Variants in CACNB2 observed in about 807,000 individuals in gnomAD.
The protein encoded by CACNB2 is calcium voltage-gated channel auxiliary subunit beta 2, also known as voltage-dependent L-type calcium channel subunit beta-2.
In CACNB2, 42 loss-of-function variants were observed where a neutral mutation model predicts 73.3. That is an observed-to-expected ratio of 0.57 (90% CI 0.45 to 0.74). The LOEUF is 0.74. Ranked by LOEUF, CACNB2 falls within the 30% of genes least tolerant of loss-of-function variation. CACNB2 has a pLI of 0.00. For synonymous variants in CACNB2, 348 were observed against 310.3 expected, an observed-to-expected ratio of 1.12 and a Z score of -1.28; for missense variants, 940 against 853.0, an observed-to-expected ratio of 1.10 and a Z score of -1.27.
rs115582953 is a variant in CACNB2 at position 18,186,678 on chromosome 10, C to T, written c.213+35703C>T. On this transcript the variant is annotated intron_variant, in intron 2 of 13. Coordinates refer to ENST00000324631, the MANE Select transcript of CACNB2 (RefSeq NM_201596.3). ...TTAAAGACCAGATTTCATGAGAACT[C>T]ACTCAGGATCATGAGGACAATACCA... 5.1e-3 allele frequency among the ~76,000 whole-genome samples: 781 copies of T among 152,188 alleles called. 6 individuals carry two copies. Among genetic ancestry groups the T allele is most frequent in the African/African-American group, 0.018 (732 of 41,502 alleles).
At chr10:18,306,304 T>A (rs1026069278) in intron 2 of CACNB2, among the ~76,000 whole-genome samples, 1 of 152,138 alleles carries the variant, frequency 6.6e-6, no homozygotes, top group Non-Finnish European at 1.5e-5. Context: ...TAGGTATATT[T>A]GTAGACACAG....
chr10:18,379,315 C>A (rs768397727), intron 2 of CACNB2, among the ~76,000 whole-genome samples: 7 of 152,110 alleles, frequency 4.6e-5, no homozygotes, highest in African/African-American at 1.7e-4. Context: ...CAGGTTCAAG[C>A]GATTCTCGTG....
chr10:18,431,425 G>C (rs2045884880), intron 3 of CACNB2, among the ~76,000 whole-genome samples: 2 of 151,934 alleles, frequency 1.3e-5, no homozygotes, highest in African/African-American at 4.8e-5. Flanking sequence ...TTATAAATAT[G>C]TAAAAATCTA....
intron 2 of CACNB2, among the ~76,000 whole-genome samples, chr10:18,248,803 A>G (rs951799384): frequency 2.0e-5 from 3 of 152,152 alleles, no homozygotes; most frequent in Non-Finnish European, 4.4e-5. Context: ...TGATGGAGAC[A>G]GACTTTCTCA....
chr10:18,500,208 G>A (rs557506044), intron 4 of CACNB2, among the ~76,000 whole-genome samples: 15 of 152,268 alleles, frequency 9.9e-5, no homozygotes, highest in South Asian at 4.1e-4. Context: ...CTTCTTCGAC[G>A]TGTTCAAGGA....
intron 2 of CACNB2, among the ~76,000 whole-genome samples, chr10:18,399,591 C>T (rs1455543985): frequency 2.0e-5 from 3 of 152,040 alleles, no homozygotes; most frequent in Non-Finnish European, 4.4e-5. Flanking sequence ...CTATGTTGCC[C>T]AGGCTGGTCT....
intron 2 of CACNB2, among the ~76,000 whole-genome samples, chr10:18,391,493 C>T (rs943875587): frequency 6.6e-6 from 1 of 152,090 alleles, no homozygotes; most frequent in Non-Finnish European, 1.5e-5. Flanking sequence ...GCATGCATTC[C>T]ATGCCTGGCA....
intron 2 of CACNB2, among the ~76,000 whole-genome samples, chr10:18,264,146 A>G (rs1183157954): frequency 6.6e-6 from 1 of 152,224 alleles, no homozygotes; most frequent in East Asian, 1.9e-4. Context: ...GAGCAGAGAC[A>G]CTAACTCTTT....
At chr10:18,310,613 AAAAAAAAAAAAAAAAGT>A (rs2039923592) in intron 2 of CACNB2, among the ~76,000 whole-genome samples, 2 of 143,858 alleles carry the variant, frequency 1.4e-5, no homozygotes, top group Non-Finnish European at 3.1e-5. Context: ...CTCAAAAAAA[AAAAAAAAAAAAAAAAGT>A]AAAAAAAAAA....
At chr10:18,399,299 C>G (rs532312410) in intron 2 of CACNB2, among the ~76,000 whole-genome samples, 1 of 152,328 alleles carries the variant, frequency 6.6e-6, no homozygotes, top group African/African-American at 2.4e-5. Flanking sequence ...TGTTGACACA[C>G]TCATTTCTCC....
chr10:18,281,620 C>T (rs1180213434), intron 2 of CACNB2, among the ~76,000 whole-genome samples: 2 of 152,082 alleles, frequency 1.3e-5, no homozygotes, highest in African/African-American at 4.8e-5. Flanking sequence ...AAATAACAGA[C>T]CTCTTTCCCA....
intron 3 of CACNB2, among the ~76,000 whole-genome samples, chr10:18,488,997 G>C (rs145649469): frequency 8.5e-5 from 13 of 152,138 alleles, no homozygotes; most frequent in African/African-American, 3.1e-4. Flanking sequence ...GGCTAACATG[G>C]TGATACCCCA....
chr10:18,232,404 A>G (rs2036257388), intron 2 of CACNB2, among the ~76,000 whole-genome samples: 1 of 152,204 alleles, frequency 6.6e-6, no homozygotes, highest in African/African-American at 2.4e-5. Flanking sequence ...CACAGGTCAC[A>G]GGTTTAACCG....
chr10:18,520,408 C>A (rs2051743019), intron 9 of CACNB2, among the ~76,000 whole-genome samples: 1 of 152,164 alleles, frequency 6.6e-6, no homozygotes, highest in African/African-American at 2.4e-5. Flanking sequence ...CATCCTCTGC[C>A]ACCATTTTGG....
At chr10:18,250,160 A>C (rs1288105136) in intron 2 of CACNB2, among the ~76,000 whole-genome samples, 1 of 152,202 alleles carries the variant, frequency 6.6e-6, no homozygotes, top group African/African-American at 2.4e-5. Context: ...CAATAGTCTA[A>C]AAACTCATCT....
chr10:18,149,643 G>C (rs10828269), intron 1 of CACNB2, among the ~76,000 whole-genome samples: 70,698 of 152,008 alleles, frequency 0.47, 16,580 homozygotes, highest in East Asian at 0.59. Flanking sequence ...TTAATGAAAA[G>C]CATATGAATA....
At chr10:18,213,800 A>G (rs2035409246) in intron 2 of CACNB2, among the ~76,000 whole-genome samples, 1 of 152,248 alleles carries the variant, frequency 6.6e-6, no homozygotes, top group African/African-American at 2.4e-5. Flanking sequence ...GTCAGGACAG[A>G]GTATCTGTGG....
intron 3 of CACNB2, among the ~76,000 whole-genome samples, chr10:18,450,845 C>A (rs2046988404): frequency 6.6e-6 from 1 of 152,104 alleles, no homozygotes; most frequent in Admixed American, 6.5e-5. Context: ...CCATGTTGGC[C>A]AGGCTGGTCT....
At chr10:18,237,133 G>A (rs1438499017) in intron 2 of CACNB2, among the ~76,000 whole-genome samples, 1 of 152,166 alleles carries the variant, frequency 6.6e-6, no homozygotes, top group Non-Finnish European at 1.5e-5. Flanking sequence ...ATGCATAGAG[G>A]TAGCAACCTA....
Sources: gnomAD v4.1 joint callset for allele counts (sites outside exome capture counted in the v4.1 genomes callset) on GRCh38, gnomAD v4.1.1 for gene constraint, MANE v1.5 for transcripts, NCBI Gene and HGNC (gene_info 2026-07-23, HGNC 2026-07-21) for gene names.